DBX2: variants seen among roughly 807,000 people sequenced by gnomAD.
DBX2 encodes developing brain homeobox 2, also known as homeobox protein DBX2.
A neutral mutation model predicts 17.7 loss-of-function variants in DBX2; 16 were observed. That is an observed-to-expected ratio of 0.90 (90% confidence interval 0.61 to 1.37). DBX2 has a LOEUF of 1.37. DBX2 is among the 40% of genes most tolerant of loss of function. The pLI is 0.00. For synonymous variants in DBX2, 255 were observed against 183.8 expected (o/e 1.39, Z -3.13); for missense variants, 538 against 433.8 (o/e 1.24, Z -2.13).
intron 1 of DBX2, among the ~76,000 whole-genome samples, chr12:45,047,362 G>A (rs529366432): frequency 6.6e-6 from 1 of 152,100 alleles, no homozygotes; most frequent in Admixed American, 6.5e-5. Flanking sequence ...TCAGATGTAA[G>A]CCCTGGAGGA....
chr12:45,050,837 A>G lies in DBX2; in HGVS notation c.91T>C (p.Phe31Leu). 1 of 1,538,322 alleles carries G rather than the reference A, an allele frequency of 6.5e-7. No individual in the cohort carries two copies. The highest frequency in any genetic ancestry group is 8.7e-7 in the Non-Finnish European group (1 of 1,145,190). ...ALLNLPAAPG[F>L]GNLGKSFLIE... ...AGGAAACTCTTGCCCAGGTTGCCAAAGCCGGGCGCAGCGGGGAGGTTGAGG... is the reference window on the plus strand; with the variant it reads ...AGGAAACTCTTGCCCAGGTTGCCAAGGCCGGGCGCAGCGGGGAGGTTGAGG... The change falls in exon 1 of 4, where the codon TTT becomes CTT. Residue 31 changes from phenylalanine to leucine, a missense_variant. Phe to Leu is a conservative substitution (Grantham distance 22). Coordinates refer to ENST00000332700, the MANE Select transcript of DBX2 (RefSeq NM_001004329.3).
chr12:45,025,144 TC>T (rs1277376166), intron 2 of DBX2, among the ~76,000 whole-genome samples: 2 of 152,230 alleles, frequency 1.3e-5, no homozygotes, highest in African/African-American at 4.8e-5. Flanking sequence ...AAGTTGCTAA[TC>T]AACTGACCTT....
At chr12:45,026,801 T>G (rs1325831082) in intron 2 of DBX2, among the ~76,000 whole-genome samples, 3 of 152,220 alleles carry the variant, frequency 2.0e-5, no homozygotes, top group Non-Finnish European at 4.4e-5. Flanking sequence ...TGAATTGCCA[T>G]AAACCTGAGA....
chr12:45,031,250 G>C (rs1396355447), intron 2 of DBX2, among the ~76,000 whole-genome samples: 1 of 149,296 alleles, frequency 6.7e-6, no homozygotes, highest in African/African-American at 2.5e-5. Flanking sequence ...GAGAGAGAGA[G>C]AGAGAGATGT....
intron 1 of DBX2, among the ~76,000 whole-genome samples, chr12:45,044,790 T>A (rs1946491002): frequency 6.6e-6 from 1 of 152,138 alleles, no homozygotes. Context: ...TGACATATTC[T>A]CAACTAATAG....
At chr12:45,040,560 A>G (rs564104050) in intron 1 of DBX2, among the ~76,000 whole-genome samples, 1 of 152,268 alleles carries the variant, frequency 6.6e-6, no homozygotes, top group South Asian at 2.1e-4. Context: ...ATTCAGAGAA[A>G]ACTTCATGAA....
chr12:45,041,428 T>C (rs115798252), intron 1 of DBX2, among the ~76,000 whole-genome samples: 1,855 of 152,252 alleles, frequency 0.012, 44 homozygotes, highest in African/African-American at 0.042. Context: ...CTTGAATAGT[T>C]AGAACAAAGA....
chr12:45,048,666 T>G (rs1946513009), intron 1 of DBX2, among the ~76,000 whole-genome samples: 1 of 152,208 alleles, frequency 6.6e-6, no homozygotes, highest in Admixed American at 6.5e-5. Flanking sequence ...GCAGCATATT[T>G]GTGGGGTCAA....
intron 1 of DBX2, among the ~76,000 whole-genome samples, chr12:45,049,365 CT>C (rs1408919298): frequency 2.6e-5 from 4 of 152,140 alleles, no homozygotes; most frequent in African/African-American, 9.7e-5. Context: ...TAAACTTTGC[CT>C]TAACTGTTTG....
At chr12:45,032,220 C>A (rs769801929) in intron 2 of DBX2, among the ~76,000 whole-genome samples, 2 of 152,142 alleles carry the variant, frequency 1.3e-5, no homozygotes, top group African/African-American at 2.4e-5. Flanking sequence ...CCTCCCTGTA[C>A]TTTTGAGAAG....
chr12:45,050,910 G>A lies in DBX2; in HGVS notation c.18C>T (p.Val6=). The A allele has an allele frequency of 6.6e-7, 1 of 1,506,006 alleles. No homozygotes were observed. The highest frequency in any genetic ancestry group is 1.3e-5 in the South Asian group (1 of 78,696). 93.3% of individuals were successfully genotyped at this position (1,506,006 alleles called of 1,614,324 possible). A position where few individuals can be genotyped will look rare whatever the true frequency, so the allele number is the denominator to read the frequency against. MLPSA[V]AAHAGAYWDV... ...CCCAGTACGCACCGGCGTGGGCTGC[G>A]ACCGCGCTGGGGAGCATAGTGCGGC... Residue 6 remains valine (V), a synonymous_variant, in exon 1 of 4, where the codon GTC becomes GTT. Coordinates refer to ENST00000332700, the MANE Select transcript of DBX2 (RefSeq NM_001004329.3).
chr12:45,034,234 G>A (rs1946423848), intron 2 of DBX2, among the ~76,000 whole-genome samples: 1 of 151,996 alleles, frequency 6.6e-6, no homozygotes, highest in South Asian at 2.1e-4. Context: ...TAAAAACCCA[G>A]TATCATATCA....
Position 45,050,170 on chromosome 12 carries a change from A to G in DBX2, c.403+355T>C, listed in dbSNP as rs141439123. On this transcript the variant is annotated intron_variant, in intron 1 of 3. Transcript: ENST00000332700. ...GGAAACAGGACCGGGCAGGTTAGAA[A>G]CGTTGAACTTGGTGAAACCCCTTGA... Among the ~76,000 whole-genome samples, 476 of 152,290 alleles carry G rather than the reference A, an allele frequency of 3.1e-3. 2 individuals are homozygous for G. The highest frequency in any genetic ancestry group is 0.011 in the African/African-American group (443 of 41,568).
At position 45,034,411 on chromosome 12, in the gene DBX2, T is replaced by C. The variant is rs576450507; in HGVS notation, c.499+1608A>G. ...TTCCTGATACTCTAATATATGGTGA[T>C]AAATGTCTCCTTAATTTGCACAAGA... On this transcript the variant is annotated intron_variant, in intron 2 of 3. Transcript: ENST00000332700. 3.3e-5 allele frequency among the ~76,000 whole-genome samples: 5 copies of C among 152,356 alleles called. No homozygotes were observed. The South Asian group carries it at 1.0e-3, about 32-fold the overall frequency.
At chr12:45,024,678 T>A (rs1484932181) in intron 2 of DBX2, among the ~76,000 whole-genome samples, 1 of 152,216 alleles carries the variant, frequency 6.6e-6, no homozygotes, top group African/African-American at 2.4e-5. Context: ...AAGACAGGTA[T>A]GTTTAATTGC....
At chr12:45,032,022 C>T (rs937728987) in intron 2 of DBX2, among the ~76,000 whole-genome samples, 1 of 151,636 alleles carries the variant, frequency 6.6e-6, no homozygotes, top group African/African-American at 2.4e-5. Flanking sequence ...CCTTCACCCA[C>T]CCTTTACTGC....
chr12:45,044,510 A>G (rs1453598086), intron 1 of DBX2, among the ~76,000 whole-genome samples: 4 of 152,294 alleles, frequency 2.6e-5, no homozygotes, highest in Middle Eastern at 3.4e-3. Flanking sequence ...CTTAGAGTTA[A>G]CAAAAAATTA....
At chr12:45,028,548 A>G (rs907911086) in intron 2 of DBX2, among the ~76,000 whole-genome samples, 8 of 152,208 alleles carry the variant, frequency 5.3e-5, no homozygotes, top group African/African-American at 1.9e-4. Flanking sequence ...ATAGCAACCC[A>G]TAGGTTTTCC....
chr12:45,023,176 T>C (rs1946362525), intron 3 of DBX2, among the ~76,000 whole-genome samples: 1 of 152,228 alleles, frequency 6.6e-6, no homozygotes, highest in Non-Finnish European at 1.5e-5. Flanking sequence ...TATGTAAGTG[T>C]TGCAAATGTG....
Sources: allele counts gnomAD v4.1 joint callset (sites outside exome capture counted in the v4.1 genomes callset), GRCh38; gene constraint gnomAD v4.1.1; transcripts MANE v1.5; gene names NCBI Gene and HGNC (gene_info 2026-07-23, HGNC 2026-07-21).